Variants in GABRG2 observed in about 807,000 individuals in gnomAD.
GABRG2 encodes the protein gamma-aminobutyric acid type A receptor subunit gamma2.
In GABRG2, 16 loss-of-function variants were observed where a neutral mutation model predicts 56.4. That is an observed-to-expected ratio of 0.28 (90% CI 0.19 to 0.43). The LOEUF (loss-of-function observed/expected upper bound fraction) is 0.43. Among genes scored for constraint, GABRG2 ranks in the 20% least tolerant of loss-of-function variants. The pLI is 1.00. For synonymous variants in GABRG2, 208 were observed against 205.5 expected (o/e 1.01, Z -0.10); for missense variants, 327 against 582.7 (o/e 0.56, Z 4.52).
intron 1 of GABRG2, among the ~76,000 whole-genome samples, chr5:162,076,368 G>T (rs1274238249): frequency 6.6e-6 from 1 of 152,136 alleles, no homozygotes; most frequent in Non-Finnish European, 1.5e-5. Context: ...TTGTGGGAGT[G>T]TAGAAGAGGG....
rs371240534 is a variant in GABRG2 at position 162,154,209 on chromosome 5, A to G, written c.*841A>G. 3 of 152,162 alleles carry G rather than the reference A, an allele frequency of 2.0e-5. No individual in the cohort carries two copies. The East Asian group carries it at 5.8e-4, about 29-fold the overall frequency. 9.4% of individuals were successfully genotyped at this position (152,162 alleles called of 1,614,324 possible). ...GCCACCTCTAAATATGCCCAATTTC[A>G]TAACTAGAGTATAAAGTAATTGTAT... On this transcript the variant is annotated 3_prime_UTR_variant, in exon 10 of 10. Transcript: ENST00000639213.
chr5:162,089,087 G>C (rs1760358511), intron 1 of GABRG2, among the ~76,000 whole-genome samples: 1 of 152,078 alleles, frequency 6.6e-6, no homozygotes, highest in Non-Finnish European at 1.5e-5. Flanking sequence ...AACAAATGTA[G>C]ATAAGATAGT....
intron 6 of GABRG2, among the ~76,000 whole-genome samples, chr5:162,141,875 G>T (rs565760006): frequency 6.6e-6 from 1 of 152,210 alleles, no homozygotes; most frequent in East Asian, 1.9e-4. Context: ...TGTTTGTGAA[G>T]TAGGAAGAAA....
intron 7 of GABRG2, among the ~76,000 whole-genome samples, chr5:162,144,767 G>C (rs1258938443): frequency 6.6e-6 from 1 of 152,160 alleles, no homozygotes; most frequent in Non-Finnish European, 1.5e-5. Context: ...CCAATTGTAG[G>C]TACAGGTGAG....
At chr5:162,105,009 G>A (rs1199605889) in intron 6 of GABRG2, among the ~76,000 whole-genome samples, 2 of 152,066 alleles carry the variant, frequency 1.3e-5, no homozygotes, top group Non-Finnish European at 2.9e-5. Context: ...TACAAACATT[G>A]TGTTCTCAGC....
intron 6 of GABRG2, among the ~76,000 whole-genome samples, chr5:162,105,907 T>G (rs1375322569): frequency 1.3e-5 from 2 of 152,044 alleles, no homozygotes; most frequent in Non-Finnish European, 2.9e-5. Flanking sequence ...TTAAGTTCTG[T>G]TGTATATTCA....
chr5:162,111,452 G>C (rs1033057355), intron 6 of GABRG2, among the ~76,000 whole-genome samples: 12 of 152,058 alleles, frequency 7.9e-5, no homozygotes, highest in African/African-American at 2.9e-4. Context: ...GAAGTTCTGT[G>C]AAATCAAAGG....
chr5:162,072,626 A>G (rs982409427), intron 1 of GABRG2, among the ~76,000 whole-genome samples: 2 of 152,066 alleles, frequency 1.3e-5, no homozygotes, highest in African/African-American at 4.8e-5. Flanking sequence ...CCAAATAGCC[A>G]TAAGATAATA....
chr5:162,084,830 A>G (rs1759936254), intron 1 of GABRG2, among the ~76,000 whole-genome samples: 1 of 151,948 alleles, frequency 6.6e-6, no homozygotes, highest in Non-Finnish European at 1.5e-5. Flanking sequence ...TTCATAGAAC[A>G]TGGCAAGAAA....
At chr5:162,109,420 A>ATT (rs1554098576) in intron 6 of GABRG2, among the ~76,000 whole-genome samples, 39 of 116,128 alleles carry the variant, frequency 3.4e-4, no homozygotes, top group Middle Eastern at 4.4e-3. Context: ...ATATATATAT[A>ATT]TATTTATTTA....
rs202243166 is a variant in GABRG2, at chr5:162,149,359, G to T, written c.1128+46G>T. 6 of 1,588,090 alleles carry T rather than the reference G, an allele frequency of 3.8e-6. 1 individual carries two copies. The highest frequency in any genetic ancestry group is 1.7e-4 in the Middle Eastern group (1 of 6,054). On this transcript the variant is annotated intron_variant, in intron 8 of 9. Transcript: ENST00000639213. ...GCACCATTGAAATTTTTATGATTTC[G>T]GTTTAGTTTGTTTTCATTAGCCTAT... is the stretch of plus-strand genomic sequence containing the variant.
At chr5:162,079,305 C>T (rs1187226922) in intron 1 of GABRG2, among the ~76,000 whole-genome samples, 1 of 152,094 alleles carries the variant, frequency 6.6e-6, no homozygotes, top group African/African-American at 2.4e-5. Context: ...ATTTTAGTCT[C>T]CTTTACTTCA....
chr5:162,122,202 T>C (rs902702740), intron 6 of GABRG2, among the ~76,000 whole-genome samples: 1 of 151,998 alleles, frequency 6.6e-6, no homozygotes, highest in Non-Finnish European at 1.5e-5. Flanking sequence ...CTTGAACTAA[T>C]TTTAAATTAT....
At chr5:162,129,870 G>C in intron 6 of GABRG2, among the ~76,000 whole-genome samples, 1 of 151,676 alleles carries the variant, frequency 6.6e-6, no homozygotes, top group Admixed American at 6.6e-5. Flanking sequence ...TTTACATAGG[G>C]TTTTCAGAGA....
intron 1 of GABRG2, among the ~76,000 whole-genome samples, chr5:162,077,335 T>C (rs145823895): frequency 6.6e-6 from 1 of 152,206 alleles, no homozygotes; most frequent in Non-Finnish European, 1.5e-5. Context: ...ATAATACTTA[T>C]GCATATGAGT....
At chr5:162,096,350 AGTTT>A (rs1760994171) in intron 3 of GABRG2, among the ~76,000 whole-genome samples, 1 of 152,150 alleles carries the variant, frequency 6.6e-6, no homozygotes, top group Admixed American at 6.6e-5. Context: ...CTATATAGAT[AGTTT>A]ATTTAAATGC....
In GABRG2 at chr5:162,153,391, T is replaced by C. The variant is rs747992571; in HGVS notation, c.*23T>C. On this transcript the variant is annotated 3_prime_UTR_variant, in exon 10 of 10. Coordinates refer to ENST00000639213, the MANE Select transcript of GABRG2 (RefSeq NM_198904.4). ...TGAGGAGGTATGGGTTTTACTGATA[T>C]GGTTCTTATTCACTGAGTCTCATGG... The C allele has an allele frequency of 1.9e-6, 3 of 1,612,808 alleles. No homozygotes were observed. Among genetic ancestry groups the C allele is most frequent in the South Asian group, 1.1e-5 (1 of 91,072 alleles).
chr5:162,097,001 G>T (rs1021490561), intron 3 of GABRG2, among the ~76,000 whole-genome samples: 2 of 152,038 alleles, frequency 1.3e-5, no homozygotes, highest in Non-Finnish European at 2.9e-5. Context: ...AGCACCTTTT[G>T]TTGATTGCCC....
intron 8 of GABRG2, 178 bp from the exon 9 acceptor site, chr5:162,151,552 C>A: frequency 3.6e-6 from 2 of 561,232 alleles, no homozygotes; most frequent in Non-Finnish European, 6.2e-6. Flanking sequence ...TAACTTTAAG[C>A]AAATACTTTA....
Sources: gnomAD v4.1 joint callset for allele counts (sites outside exome capture counted in the v4.1 genomes callset) on GRCh38, gnomAD v4.1.1 for gene constraint, MANE v1.5 for transcripts, NCBI Gene and HGNC (gene_info 2026-07-23, HGNC 2026-07-21) for gene names.